Variants in C1orf94 observed in about 807,000 individuals in gnomAD.
C1orf94 encodes the protein uncharacterized protein C1orf94.
Under a neutral mutation model 53.6 loss-of-function variants are expected in C1orf94, and 45 were observed. That is an observed-to-expected ratio of 0.84 (90% CI 0.66 to 1.08). C1orf94 has a LOEUF of 1.08. Among genes scored for constraint, C1orf94 ranks in the 50% least tolerant of loss-of-function variants. C1orf94 has a pLI of 0.00. For missense variants in C1orf94, 762 were observed against 738.9 expected (o/e 1.03, Z -0.36); for synonymous variants, 304 against 296.1 (o/e 1.03, Z -0.27).
Position 34,194,858 on chromosome 1 carries a change from A to G in C1orf94, c.321-2367A>G, listed in dbSNP as rs573490475. Reference sequence around the variant, plus strand: ...GCTATTGGTGTATGGCTTGCTTTGCAAAGTATTTGGGGAGGGGAGGCAAAA... The same window carrying G: ...GCTATTGGTGTATGGCTTGCTTTGCGAAGTATTTGGGGAGGGGAGGCAAAA... On this transcript the variant is annotated intron_variant, in intron 1 of 6. Transcript: ENST00000488417. 3.3e-5 allele frequency among the ~76,000 whole-genome samples: 5 copies of G among 152,324 alleles called. No individual in the cohort carries two copies. In the South Asian group the frequency reaches 8.3e-4, roughly 25 times the overall value.
intron 5 of C1orf94, 58 bp downstream of exon 5, chr1:34,208,292 G>C: frequency 6.5e-7 from 1 of 1,530,456 alleles, no homozygotes; most frequent in Non-Finnish European, 8.9e-7. Flanking sequence ...TGGGTCAGAG[G>C]GTGCATCTGC....
chr1:34,194,304 G>T (rs1158242435), intron 1 of C1orf94, among the ~76,000 whole-genome samples: 1 of 152,188 alleles, frequency 6.6e-6, no homozygotes, highest in Non-Finnish European at 1.5e-5. Flanking sequence ...GACAGATGAG[G>T]AATACAAGGT....
rs1474596801 is a variant in C1orf94, at chr1:34,208,304, C to G, written c.1524+70C>G. On this transcript the variant is annotated intron_variant, in intron 5 of 6. Coordinates refer to ENST00000488417, the MANE Select transcript of C1orf94 (RefSeq NM_001134734.2). ...CTTTGGGTCAGAGGGTGCATCTGCT[C>G]CCTCCTCCTTTTCCAGCTGGTGACC... 71 of 1,458,432 alleles carry G rather than the reference C, an allele frequency of 4.9e-5. 2 individuals are homozygous for G. The highest frequency in any genetic ancestry group is 9.4e-7 in the Non-Finnish European group (1 of 1,058,676). 90.3% of individuals were successfully genotyped at this position (1,458,432 alleles called of 1,614,324 possible). A position where few individuals can be genotyped will look rare whatever the true frequency, so the allele number is the denominator to read the frequency against.
intron 1 of C1orf94, among the ~76,000 whole-genome samples, chr1:34,191,510 C>T (rs566677405): frequency 3.9e-5 from 6 of 152,120 alleles, no homozygotes; most frequent in Non-Finnish European, 8.8e-5. Context: ...GCTCTACCCA[C>T]ATAGACACAT....
At chr1:34,195,332 T>A (rs577464462) in intron 1 of C1orf94, among the ~76,000 whole-genome samples, 1 of 152,276 alleles carries the variant, frequency 6.6e-6, no homozygotes, top group South Asian at 2.1e-4. Flanking sequence ...ATGTTAGGTG[T>A]CACACCCATT....
At chr1:34,192,371 T>C (rs1359806156) in intron 1 of C1orf94, among the ~76,000 whole-genome samples, 1 of 152,094 alleles carries the variant, frequency 6.6e-6, no homozygotes, top group Non-Finnish European at 1.5e-5. Flanking sequence ...GTTAGTGCCA[T>C]CTGATCGGCT....
At position 34,218,568 on chromosome 1, in the gene C1orf94, C is replaced by T. The variant is rs559182375; in HGVS notation, c.1722-118C>T. 20 of 715,132 alleles carry T rather than the reference C, an allele frequency of 2.8e-5. No homozygotes were observed. The East Asian group carries it at 5.4e-4, about 19-fold the overall frequency. The allele number at this position is 715,132 out of a possible 1,614,324, so 44.3% of individuals were successfully genotyped here. ...TTCTTATGCCAAAGCCTTTACCCTC[C>T]AAGCCTGTCATGGTCTTCACTGTTT... On this transcript the variant is annotated intron_variant, in intron 6 of 6. Transcript: ENST00000488417.
At chr1:34,180,755 T>C (rs1642300560) in intron 1 of C1orf94, among the ~76,000 whole-genome samples, 1 of 152,236 alleles carries the variant, frequency 6.6e-6, no homozygotes, top group Non-Finnish European at 1.5e-5. Flanking sequence ...TCTCAGCTGG[T>C]CTTTCTGCTG....
chr1:34,211,505 A>G lies in C1orf94; in HGVS notation c.1525-705A>G, dbSNP rs571835723. On this transcript the variant is annotated intron_variant, in intron 5 of 6. Coordinates refer to ENST00000488417, the MANE Select transcript of C1orf94 (RefSeq NM_001134734.2). ...TTCCCTAGAGTTTGTGCTCAACCCC[A>G]TTGCCTTTTTTTGCCCTTCCTCCTA... Among the ~76,000 whole-genome samples the G allele has an allele frequency of 1.2e-4, 18 of 152,134 alleles. 1 individual carries two copies. The highest frequency in any genetic ancestry group is 2.0e-4 in the Admixed American group (3 of 15,264).
intron 1 of C1orf94, among the ~76,000 whole-genome samples, chr1:34,190,490 G>A (rs996114730): frequency 3.9e-5 from 6 of 152,160 alleles, no homozygotes; most frequent in African/African-American, 1.2e-4. Context: ...CTTTGCACAT[G>A]CTGTTCCCTG....
In C1orf94 at chr1:34,212,292, T is replaced by C. The variant is rs1294766852; in HGVS notation, c.1607T>C (p.Val536Ala). The C allele has an allele frequency of 3.1e-6, 5 of 1,613,936 alleles. No individual in the cohort carries two copies. In the East Asian group the frequency reaches 6.7e-5, roughly 22 times the overall value. ...CCTCTGCTGAGCTACATCCCTTTTG[T>C]CCAGCCCAATTATCCCTACCCTCAG... ...YTPLLSYIPF[V>A]QPNYPYPQRT... The change falls in exon 6 of 7, where the codon GTC becomes GCC. Residue 536 changes from valine (V) to alanine (A), a missense_variant. Transcript: ENST00000488417.
intron 1 of C1orf94, among the ~76,000 whole-genome samples, chr1:34,187,782 C>T (rs1642408871): frequency 2.5e-5 from 1 of 39,988 alleles, no homozygotes; most frequent in Non-Finnish European, 5.0e-5. Flanking sequence ...CCCCCCCCCC[C>T]GCCGCCCCCC....
intron 1 of C1orf94, among the ~76,000 whole-genome samples, chr1:34,194,875 G>A (rs1642554805): frequency 6.6e-6 from 1 of 152,160 alleles, no homozygotes; most frequent in African/African-American, 2.4e-5. Flanking sequence ...TTGGGGAGGG[G>A]AGGCAAAAAC....
chr1:34,192,872 A>C (rs1771367), intron 1 of C1orf94, among the ~76,000 whole-genome samples: 20,147 of 152,060 alleles, frequency 0.13, 1,885 homozygotes, highest in African/African-American at 0.27. Context: ...CAAGGGGTAG[A>C]TAAAAGCCCA....
chr1:34,212,280 A>G lies in C1orf94; in HGVS notation c.1595A>G (p.Tyr532Cys). 1 of 1,613,944 alleles carries G rather than the reference A, an allele frequency of 6.2e-7. No individual in the cohort carries two copies. Among genetic ancestry groups the G allele is most frequent in the South Asian group, 1.1e-5 (1 of 91,062 alleles). ...FRSSYTPLLS[Y>C]IPFVQPNYPY... The stretch of plus-strand genomic sequence containing the variant: ...TCTTCCTACACCCCTCTGCTGAGCT[A>G]CATCCCTTTTGTCCAGCCCAATTAT... Residue 532 changes from tyrosine to cysteine, a missense_variant, in exon 6 of 7, where the codon TAC (tyrosine) becomes TGC (cysteine). By Grantham distance (194) the Tyr-to-Cys change is radical. Coordinates refer to ENST00000488417, the MANE Select transcript of C1orf94 (RefSeq NM_001134734.2).
At chr1:34,188,808 G>T (rs1338617616) in intron 1 of C1orf94, among the ~76,000 whole-genome samples, 1 of 152,194 alleles carries the variant, frequency 6.6e-6, no homozygotes. Flanking sequence ...AAAGTCCCAG[G>T]AGACAGAGCT....
At chr1:34,172,803 G>T (rs1424402898), upstream of C1orf94, among the ~76,000 whole-genome samples, 1 of 152,240 alleles carries the variant, frequency 6.6e-6, no homozygotes, top group African/African-American at 2.4e-5. Flanking sequence ...AACATGAGGG[G>T]GAGGCCCATT....
intron 1 of C1orf94, among the ~76,000 whole-genome samples, chr1:34,182,546 A>G (rs1347505719): frequency 6.6e-6 from 1 of 152,118 alleles, no homozygotes; most frequent in Admixed American, 6.6e-5. Flanking sequence ...GGGAGGCCTA[A>G]TGGTGGCAGT....
chr1:34,182,204 C>T lies in C1orf94; in HGVS notation c.320+4095C>T, dbSNP rs1056036187. Among the ~76,000 whole-genome samples the T allele has an allele frequency of 8.5e-5, 13 of 152,122 alleles. No individual in the cohort carries two copies. In the South Asian group the frequency reaches 2.1e-3, roughly 24 times the overall value. On this transcript the variant is annotated intron_variant, in intron 1 of 6. Coordinates refer to ENST00000488417, the MANE Select transcript of C1orf94 (RefSeq NM_001134734.2). ...AGTGAGACCCTGTCTCAAAACAAAACCAAAAGGAAAAGCAAATGCAAAGAC... is the reference window on the plus strand; with the variant it reads ...AGTGAGACCCTGTCTCAAAACAAAATCAAAAGGAAAAGCAAATGCAAAGAC...
Sources: gnomAD v4.1 joint callset for allele counts (sites outside exome capture counted in the v4.1 genomes callset) on GRCh38, gnomAD v4.1.1 for gene constraint, MANE v1.5 for transcripts, NCBI Gene and HGNC (gene_info 2026-07-23, HGNC 2026-07-21) for gene names.